Variants in PCDHGA7 observed in about 807,000 individuals in gnomAD.
PCDHGA7 encodes the protein protocadherin gamma-A7.
Under a neutral mutation model 58.3 loss-of-function variants are expected in PCDHGA7, and 44 were observed. That is an observed-to-expected ratio of 0.75 (90% confidence interval 0.59 to 0.97). The LOEUF (loss-of-function observed/expected upper bound fraction) is 0.97, where lower values mean the gene tolerates loss of function less well. Ranked by LOEUF, PCDHGA7 falls within the 50% of genes least tolerant of loss-of-function variation. The probability of loss-of-function intolerance (pLI) is 0.00; values close to 1 mark genes in which losing one functional copy is unlikely to be tolerated. For missense variants in PCDHGA7, 1,266 were observed against 1,188.7 expected, an observed-to-expected ratio of 1.06 and a Z score of -0.96; for synonymous variants, 516 against 504.2, an observed-to-expected ratio of 1.02 and a Z score of -0.31.
rs1183220869 is a variant in PCDHGA7 at position 141,385,141 on chromosome 5, G to A, written c.2242G>A (p.Ala748Thr). 30 of 1,614,084 alleles carry A rather than the reference G, an allele frequency of 1.9e-5. No homozygotes were observed. Among genetic ancestry groups the A allele is most frequent in the African/African-American group, 6.7e-5 (5 of 74,940 alleles). ...CTTTGTGGGCATGGACGGGGTGCAG[G>A]CTTTCCTGCAGACCTATTCCCATGA... ...SHFVGMDGVQAFLQTYSHEVS... is the reference protein window; with the variant it reads ...SHFVGMDGVQTFLQTYSHEVS... Residue 748 changes from alanine to threonine, a missense_variant, in exon 1 of 4, where the codon GCT (alanine) becomes ACT (threonine). Coordinates refer to ENST00000518325, the MANE Select transcript of PCDHGA7 (RefSeq NM_018920.4).
chr5:141,476,687 A>G lies in PCDHGA7; in HGVS notation c.2425-18120A>G. 1 of 1,614,212 alleles carries G rather than the reference A, an allele frequency of 6.2e-7. No individual in the cohort carries two copies. Among genetic ancestry groups the G allele is most frequent in the Non-Finnish European group, 8.5e-7 (1 of 1,180,044 alleles). On this transcript the variant is annotated intron_variant, in intron 1 of 3. Transcript: ENST00000518325. This position sits in a 1 kb window ranked among gnomAD's most constrained non-coding sequence, Gnocchi z 7.6. ...TCGCGTGCAGACGCGGGAGGACAGC[A>G]CCAAGTACGCGGAGCTGGTGTTGGA... is the stretch of plus-strand genomic sequence containing the variant.
Position 141,422,444 on chromosome 5 carries a change from T to TA in PCDHGA7, c.2424+37123dup, listed in dbSNP as rs1171104340. 1.9e-6 allele frequency: 3 copies of TA among 1,610,490 alleles called. No homozygotes were observed. The Admixed American group carries it at 5.1e-5, about 27-fold the overall frequency. ...ACTTATGGAAATTATTACAAATTGA[T>TA]AACAAGCAGAGTGCTGGACAGGGAG... On this transcript the variant is annotated intron_variant, in intron 1 of 3. Coordinates refer to ENST00000518325, the MANE Select transcript of PCDHGA7 (RefSeq NM_018920.4).
At chr5:141,408,115 C>T (rs2095044760) in intron 1 of PCDHGA7, 1 of 1,461,312 alleles carries the variant, frequency 6.8e-7, no homozygotes, top group Non-Finnish European at 9.1e-7. Context: ...GGGACTCCTC[C>T]TGTCCTGGGC....
At chr5:141,451,807 G>A (rs896081470) in intron 1 of PCDHGA7, among the ~76,000 whole-genome samples, 5 of 150,778 alleles carry the variant, frequency 3.3e-5, no homozygotes, top group African/African-American at 1.2e-4. Flanking sequence ...CTTGAACCCA[G>A]GAGGCGGAGG....
chr5:141,421,473 C>T (rs907282414), intron 1 of PCDHGA7: 10 of 1,613,994 alleles, frequency 6.2e-6, no homozygotes, highest in Middle Eastern at 1.6e-4. Context: ...ATCCGCGAAG[C>T]GGCAGCTTGA....
intron 1 of PCDHGA7, chr5:141,411,907 G>A (rs2095522781): frequency 1.3e-5 from 2 of 152,156 alleles, no homozygotes; most frequent in Non-Finnish European, 2.9e-5. Flanking sequence ...TATTGCCTTT[G>A]CACTCAGTCT....
At chr5:141,466,094 C>T (rs1462266046) in intron 1 of PCDHGA7, among the ~76,000 whole-genome samples, 1 of 152,040 alleles carries the variant, frequency 6.6e-6, no homozygotes, top group Non-Finnish European at 1.5e-5. Flanking sequence ...TGCACTCCAG[C>T]CTGGGCAACA....
chr5:141,475,644 A>C (rs1021491842), intron 1 of PCDHGA7, among the ~76,000 whole-genome samples: 2 of 152,238 alleles, frequency 1.3e-5, no homozygotes, highest in Non-Finnish European at 2.9e-5. Context: ...TCTTGTGATC[A>C]AAGAAAGTGA....
intron 1 of PCDHGA7, chr5:141,413,082 A>G: frequency 7.4e-7 from 1 of 1,344,446 alleles, no homozygotes; most frequent in African/African-American, 1.5e-5. Context: ...CCCAGGCTAC[A>G]GAGACACCCT....
Position 141,405,346 on chromosome 5 carries a change from G to T in PCDHGA7, c.2424+20023G>T, listed in dbSNP as rs184640789. 60 of 1,614,108 alleles carry T rather than the reference G, an allele frequency of 3.7e-5. No individual in the cohort carries two copies. The East Asian group carries it at 1.3e-3, about 35-fold the overall frequency. The stretch of plus-strand genomic sequence containing the variant: ...CTTTGTGCGTCTCTGTTGATTCCAA[G>T]TTTCCTATAGAAGACACCCCTTTGG... On this transcript the variant is annotated intron_variant, in intron 1 of 3. Transcript: ENST00000518325.
chr5:141,406,732 G>A (rs1190275382), intron 1 of PCDHGA7, among the ~76,000 whole-genome samples: 1 of 152,142 alleles, frequency 6.6e-6, no homozygotes, highest in Non-Finnish European at 1.5e-5. Context: ...TCTAAGACTG[G>A]ACACTGTGAA....
intron 1 of PCDHGA7, among the ~76,000 whole-genome samples, chr5:141,397,239 G>A (rs563338293): frequency 1.8e-4 from 27 of 152,262 alleles, no homozygotes; most frequent in Non-Finnish European, 3.4e-4. Flanking sequence ...GAAGAGCAAC[G>A]TAGTAGGGTA....
chr5:141,491,571 C>CT lies in PCDHGA7; in HGVS notation c.2425-3232dup. On this transcript the variant is annotated intron_variant, in intron 1 of 3. Coordinates refer to ENST00000518325, the MANE Select transcript of PCDHGA7 (RefSeq NM_018920.4). The surrounding 1 kb of genome is among the most constrained non-coding windows in gnomAD (Gnocchi z 6.9). ...CGCAGAGCCACTGCTACAGGACGTG[C>CT]TTTTCACCGGCCTCGGACGGCAGTG... 6.2e-7 allele frequency: 1 copy of CT among 1,614,026 alleles called. No homozygotes were observed. Among genetic ancestry groups the CT allele is most frequent in the Non-Finnish European group, 8.5e-7 (1 of 1,180,042 alleles).
chr5:141,413,711 A>G (rs752076648), intron 1 of PCDHGA7: 199 of 1,613,564 alleles, frequency 1.2e-4, no homozygotes, highest in Non-Finnish European at 1.4e-4. Context: ...CTCAGCCCCA[A>G]TAAGCACTTC....
chr5:141,394,444 G>A (rs2093001580), intron 1 of PCDHGA7: 1 of 1,614,228 alleles, frequency 6.2e-7, no homozygotes, highest in Non-Finnish European at 8.5e-7. Context: ...CCCCTCAGCA[G>A]CAACATGTCA....
In PCDHGA7 at chr5:141,431,048, A is replaced by G; in HGVS notation, c.2424+45725A>G. The G allele has an allele frequency of 6.2e-7, 1 of 1,614,180 alleles. No homozygotes were observed. Among genetic ancestry groups the G allele is most frequent in the Non-Finnish European group, 8.5e-7 (1 of 1,180,018 alleles). The stretch of plus-strand genomic sequence containing the variant: ...CAGGATAGACCGGGAGGAGCTCTGT[A>G]TGGGGGCCATCAAGTGTCAATTAAA... On this transcript the variant is annotated intron_variant, in intron 1 of 3. Coordinates refer to ENST00000518325, the MANE Select transcript of PCDHGA7 (RefSeq NM_018920.4). This position sits in a 1 kb window ranked among gnomAD's most constrained non-coding sequence, Gnocchi z 4.8.
In PCDHGA7 at chr5:141,491,848, C is replaced by A; in HGVS notation, c.2425-2959C>A. 1 of 1,461,478 alleles carries A rather than the reference C, an allele frequency of 6.8e-7. No homozygotes were observed. Among genetic ancestry groups the A allele is most frequent in the Non-Finnish European group, 9.1e-7 (1 of 1,104,578 alleles). The allele number at this position is 1,461,478 out of a possible 1,614,324, so 90.5% of individuals were successfully genotyped here. A position where few individuals can be genotyped will look rare whatever the true frequency, so the allele number is the denominator to read the frequency against. On this transcript the variant is annotated intron_variant, in intron 1 of 3. Transcript: ENST00000518325. This position sits in a 1 kb window ranked among gnomAD's most constrained non-coding sequence, Gnocchi z 6.9. ...CACCCGATTCTCGGGATCATTGGAC[C>A]GTTTGCGCGAAACCAGAGTGGCCGA...
chr5:141,497,084 G>A (rs1417389801), intron 2 of PCDHGA7, among the ~76,000 whole-genome samples: 1 of 152,098 alleles, frequency 6.6e-6, no homozygotes, highest in East Asian at 1.9e-4. Context: ...AGCGACTTAG[G>A]AGGCTGAGGC....
rs2099388737 is a variant in PCDHGA7 at position 141,476,307 on chromosome 5, G to T, written c.2425-18500G>T. 1 of 1,613,606 alleles carries T rather than the reference G, an allele frequency of 6.2e-7. No individual in the cohort carries two copies. The highest frequency in any genetic ancestry group is 1.3e-5 in the African/African-American group (1 of 74,728). ...TTGGATCTCGGTAGCCTCTCAGCCC[G>T]CAGGTTCCGGGTGGTGTCTGGAGCT... On this transcript the variant is annotated intron_variant, in intron 1 of 3. Coordinates refer to ENST00000518325, the MANE Select transcript of PCDHGA7 (RefSeq NM_018920.4). The surrounding 1 kb of genome is among the most constrained non-coding windows in gnomAD (Gnocchi z 7.6).
Sources: gnomAD v4.1 joint callset for allele counts (sites outside exome capture counted in the v4.1 genomes callset) on GRCh38, gnomAD v4.1.1 for gene constraint, Gnocchi (gnomAD v3.1) non-coding constraint, MANE v1.5 for transcripts, NCBI Gene and HGNC (gene_info 2026-07-23, HGNC 2026-07-21) for gene names.